Variants in LYPLA1 observed in about 807,000 individuals in gnomAD.
LYPLA1 encodes lysophospholipase 1.
Under a neutral mutation model 34.0 loss-of-function variants are expected in LYPLA1, and 17 were observed. That is an observed-to-expected ratio of 0.50 (90% CI 0.34 to 0.75). The LOEUF (loss-of-function observed/expected upper bound fraction) is 0.75. LYPLA1 is among the 30% of genes least tolerant of loss of function. The pLI is 0.01. For missense variants in LYPLA1, 203 were observed against 288.8 expected (o/e 0.70, Z 2.15); for synonymous variants, 98 against 100.8 (o/e 0.97, Z 0.17).
chr8:54,082,789 C>T (rs1269959315), intron 2 of LYPLA1, among the ~76,000 whole-genome samples: 9 of 152,150 alleles, frequency 5.9e-5, no homozygotes, highest in Non-Finnish European at 8.8e-5. Context: ...TGCAGTGGCG[C>T]GATCTCGGCT....
chr8:54,099,060 T>C (rs926146884), intron 2 of LYPLA1, among the ~76,000 whole-genome samples: 16 of 152,216 alleles, frequency 1.1e-4, no homozygotes, highest in Admixed American at 3.9e-4. Flanking sequence ...CTTGGTATTT[T>C]TGATCCTAAT....
intron 2 of LYPLA1, among the ~76,000 whole-genome samples, chr8:54,066,693 A>G (rs1807092397): frequency 6.6e-6 from 1 of 151,936 alleles, no homozygotes; most frequent in Non-Finnish European, 1.5e-5. Flanking sequence ...AGGCAGGAGA[A>G]TTGCTTGAAC....
chr8:54,085,948 T>C (rs1808725424), intron 2 of LYPLA1, among the ~76,000 whole-genome samples: 1 of 152,082 alleles, frequency 6.6e-6, no homozygotes, highest in African/African-American at 2.4e-5. Context: ...CAACAGCTCA[T>C]TGAGAACGGG....
At chr8:54,049,050 C>T (rs73679602) in intron 8 of LYPLA1, among the ~76,000 whole-genome samples, 19,802 of 152,172 alleles carry the variant, frequency 0.13, 3,417 homozygotes, top group African/African-American at 0.4. Flanking sequence ...CCAGGACTTC[C>T]CCTGCCCTCT....
chr8:54,047,717 TG>T lies in LYPLA1; in HGVS notation c.*347del. 1 of 193,380 alleles carries T rather than the reference TG, an allele frequency of 5.2e-6. No individual in the cohort carries two copies. The highest frequency in any genetic ancestry group is 1.0e-5 in the Non-Finnish European group (1 of 95,436). 12.0% of individuals were successfully genotyped at this position (193,380 alleles called of 1,614,324 possible). On this transcript the variant is annotated 3_prime_UTR_variant, in exon 9 of 9. Coordinates refer to ENST00000316963, the MANE Select transcript of LYPLA1 (RefSeq NM_006330.4). ...TATATCTTAACTGCTCATTTATACCTGAACAAATTTTCATTAAGCATACTGC... is the reference window on the plus strand; with the variant it reads ...TATATCTTAACTGCTCATTTATACCTAACAAATTTTCATTAAGCATACTGC...
At chr8:54,073,990 A>G (rs550209515) in intron 2 of LYPLA1, among the ~76,000 whole-genome samples, 4 of 152,234 alleles carry the variant, frequency 2.6e-5, no homozygotes, top group Non-Finnish European at 5.9e-5. Flanking sequence ...AAGGAAAGAA[A>G]GCAGCCAGGT....
At chr8:54,084,351 G>A (rs1201397853) in intron 2 of LYPLA1, among the ~76,000 whole-genome samples, 11 of 151,724 alleles carry the variant, frequency 7.3e-5, no homozygotes, top group African/African-American at 9.7e-5. Flanking sequence ...CGGGTGGATC[G>A]CTTGATGTCA....
chr8:54,086,266 A>G (rs1203184194), intron 2 of LYPLA1, among the ~76,000 whole-genome samples: 2 of 151,870 alleles, frequency 1.3e-5, no homozygotes, highest in East Asian at 3.9e-4. Context: ...CCTAATCTCA[A>G]GTACCCAGGG....
intron 2 of LYPLA1, among the ~76,000 whole-genome samples, chr8:54,066,621 A>C (rs1807087160): frequency 6.6e-6 from 1 of 151,824 alleles, no homozygotes; most frequent in Non-Finnish European, 1.5e-5. Flanking sequence ...TCTCTACTAA[A>C]AATACAAAAA....
chr8:54,100,783 G>A, intron 2 of LYPLA1, 125 bp downstream of exon 2: 1 of 782,010 alleles, frequency 1.3e-6, no homozygotes, highest in Non-Finnish European at 2.2e-6. Flanking sequence ...CGCACTGTAA[G>A]ATACATTAAC....
chr8:54,064,785 G>A (rs536704625), intron 3 of LYPLA1, among the ~76,000 whole-genome samples: 1 of 152,168 alleles, frequency 6.6e-6, no homozygotes, highest in African/African-American at 2.4e-5. Flanking sequence ...ATTGGAAGAA[G>A]AATTGTCTTG....
chr8:54,073,582 T>C, intron 2 of LYPLA1: 2 of 560,236 alleles, frequency 3.6e-6, no homozygotes, highest in Non-Finnish European at 6.5e-6. Context: ...GACACTGACC[T>C]ATTTACAGAA....
intron 2 of LYPLA1, among the ~76,000 whole-genome samples, chr8:54,086,136 C>T (rs1176339121): frequency 3.9e-5 from 6 of 152,126 alleles, no homozygotes; most frequent in Non-Finnish European, 8.8e-5. Context: ...CCCCCAACCC[C>T]GTGCTCTCTG....
chr8:54,095,278 T>G (rs1373739792), intron 2 of LYPLA1, among the ~76,000 whole-genome samples: 2 of 152,262 alleles, frequency 1.3e-5, no homozygotes, highest in Admixed American at 6.5e-5. Flanking sequence ...ATTACAGGCA[T>G]GAGCCACTGC....
chr8:54,066,425 A>G (rs1024359987), intron 2 of LYPLA1, among the ~76,000 whole-genome samples: 3 of 152,198 alleles, frequency 2.0e-5, no homozygotes, highest in Admixed American at 6.5e-5. Flanking sequence ...ATATTTTTAA[A>G]ATGTCTTTAT....
intron 2 of LYPLA1, among the ~76,000 whole-genome samples, chr8:54,098,726 A>G (rs1809878854): frequency 6.6e-6 from 1 of 152,232 alleles, no homozygotes; most frequent in Admixed American, 6.5e-5. Context: ...GTACAATTTT[A>G]AACTTATAAA....
chr8:54,052,583 C>T, intron 7 of LYPLA1, 72 bp downstream of exon 7: 1 of 948,860 alleles, frequency 1.1e-6, no homozygotes, highest in East Asian at 2.5e-5. Flanking sequence ...AATAAGATGA[C>T]TTTATCTCCA....
intron 1 of LYPLA1, chr8:54,101,414 C>G: frequency 9.4e-7 from 1 of 1,064,058 alleles, no homozygotes; most frequent in Non-Finnish European, 1.1e-6. Flanking sequence ...GACAATAAGG[C>G]GATTTCCTGG....
chr8:54,101,607 C>T, intron 1 of LYPLA1, 148 bp downstream of exon 1: 1 of 1,150,510 alleles, frequency 8.7e-7, no homozygotes, highest in Non-Finnish European at 1.1e-6. Flanking sequence ...GCGGACCCGG[C>T]CGCGCGGACC....
Sources: allele counts gnomAD v4.1 joint callset (sites outside exome capture counted in the v4.1 genomes callset), GRCh38; gene constraint gnomAD v4.1.1; transcripts MANE v1.5; gene names NCBI Gene and HGNC (gene_info 2026-07-23, HGNC 2026-07-21).